The following CNTN4 variants were observed in gnomAD, a reference collection of about 807,000 sequenced individuals.
CNTN4 encodes the protein contactin-4.
A neutral mutation model predicts 122.5 loss-of-function variants in CNTN4; 77 were observed. That is an observed-to-expected ratio of 0.63 (90% CI 0.52 to 0.76). CNTN4 has a LOEUF of 0.76. CNTN4 is among the 30% of genes least tolerant of loss of function. The pLI, the probability that CNTN4 is intolerant of heterozygous loss-of-function variation, is 0.00. For synonymous variants in CNTN4, 512 were observed against 447.0 expected, an observed-to-expected ratio of 1.15 and a Z score of -1.83; for missense variants, 1,256 against 1,259.1, an observed-to-expected ratio of 1.00 and a Z score of 0.04.
chr3:2,475,606 C>T (rs1254449017), intron 3 of CNTN4, among the ~76,000 whole-genome samples: 1 of 152,156 alleles, frequency 6.6e-6, no homozygotes, highest in Non-Finnish European at 1.5e-5. Context: ...GCCAATCTCC[C>T]ATGTCAGTTC....
rs2045741883 is a variant in CNTN4, at chr3:2,374,325, A to G, written c.-89+35092A>G. ...TACCCAGCTCCCTTAAAATCATTCT[A>G]TAGGAAGTTCCCCTCCATGCTTCTT... On this transcript the variant is annotated intron_variant, in intron 3 of 24. Coordinates refer to ENST00000418658, the MANE Select transcript of CNTN4 (RefSeq NM_175607.3). 2.6e-5 allele frequency among the ~76,000 whole-genome samples: 4 copies of G among 152,346 alleles called. No homozygotes were observed. In the South Asian group the frequency reaches 8.3e-4, roughly 32 times the overall value.
chr3:3,014,077 C>T (rs1034232601), intron 14 of CNTN4, among the ~76,000 whole-genome samples: 216 of 152,052 alleles, frequency 1.4e-3, no homozygotes, highest in Non-Finnish European at 2.3e-3. Context: ...CACACACACA[C>T]ACACACACAC....
At chr3:2,981,288 C>CA (rs1275529169) in intron 13 of CNTN4, among the ~76,000 whole-genome samples, 1 of 151,662 alleles carries the variant, frequency 6.6e-6, no homozygotes, top group Non-Finnish European at 1.5e-5. Context: ...ACTAAAAATA[C>CA]AAAAAATTAG....
chr3:2,733,682 C>A (rs1391892108), intron 4 of CNTN4, among the ~76,000 whole-genome samples: 1 of 151,554 alleles, frequency 6.6e-6, no homozygotes, highest in Non-Finnish European at 1.5e-5. Flanking sequence ...TACAGGCACA[C>A]GCCACCATGC....
chr3:2,931,488 C>T (rs1167994247), intron 13 of CNTN4, among the ~76,000 whole-genome samples: 1 of 152,166 alleles, frequency 6.6e-6, no homozygotes, highest in Non-Finnish European at 1.5e-5. Flanking sequence ...CGGGGATTCC[C>T]ATTCAAGTGT....
chr3:2,855,620 G>C (rs1363928292), intron 7 of CNTN4, among the ~76,000 whole-genome samples: 2 of 152,150 alleles, frequency 1.3e-5, no homozygotes, highest in African/African-American at 4.8e-5. Context: ...ATTCAGTCCA[G>C]GTGTTCCTGT....
chr3:2,174,789 CAG>C (rs1298141035), intron 2 of CNTN4, among the ~76,000 whole-genome samples: 1 of 152,188 alleles, frequency 6.6e-6, no homozygotes, highest in Admixed American at 6.5e-5. Flanking sequence ...GGAGAGGCCT[CAG>C]GGAGCTTTCA....
At chr3:2,562,958 A>G (rs1458649035) in intron 3 of CNTN4, among the ~76,000 whole-genome samples, 1 of 151,884 alleles carries the variant, frequency 6.6e-6, no homozygotes, top group East Asian at 1.9e-4. Context: ...GAAGTCCTGG[A>G]CTGAAACAGT....
intron 12 of CNTN4, among the ~76,000 whole-genome samples, chr3:2,923,290 T>A (rs1248725253): frequency 6.6e-6 from 1 of 151,788 alleles, no homozygotes; most frequent in African/African-American, 2.4e-5. Flanking sequence ...AAAATATCAT[T>A]TAAAAAAAAA....
chr3:2,464,063 C>G (rs2075411856), intron 3 of CNTN4, among the ~76,000 whole-genome samples: 1 of 152,142 alleles, frequency 6.6e-6, no homozygotes, highest in African/African-American at 2.4e-5. Context: ...ACTTCTCAGA[C>G]CATTGCACCA....
At chr3:2,269,000 A>T (rs1414089691) in intron 2 of CNTN4, among the ~76,000 whole-genome samples, 2 of 152,126 alleles carry the variant, frequency 1.3e-5, no homozygotes, top group Admixed American at 6.6e-5. Context: ...CCTTAGTGCC[A>T]CTATGACAGA....
intron 2 of CNTN4, among the ~76,000 whole-genome samples, chr3:2,222,530 T>A (rs1022242551): frequency 6.6e-6 from 1 of 151,800 alleles, no homozygotes; most frequent in African/African-American, 2.4e-5. Context: ...ATACTTTATT[T>A]TTAATTTTTT....
intron 14 of CNTN4, among the ~76,000 whole-genome samples, chr3:2,995,394 G>A (rs2125345315): frequency 6.6e-6 from 1 of 152,258 alleles, no homozygotes; most frequent in East Asian, 1.9e-4. Context: ...TTCCCCTTTT[G>A]TCCAAATCTC....
chr3:2,143,698 T>C (rs912617017), intron 2 of CNTN4, among the ~76,000 whole-genome samples: 1 of 152,244 alleles, frequency 6.6e-6, no homozygotes, highest in African/African-American at 2.4e-5. Context: ...GTTATTATTA[T>C]CTCTGATTTG....
intron 3 of CNTN4, among the ~76,000 whole-genome samples, chr3:2,427,284 T>C (rs2047876280): frequency 6.6e-6 from 1 of 152,242 alleles, no homozygotes; most frequent in African/African-American, 2.4e-5. Context: ...TTTGTTCTCA[T>C]TGGTTTCAAA....
intron 4 of CNTN4, among the ~76,000 whole-genome samples, chr3:2,641,355 A>AT (rs928496352): frequency 6.6e-6 from 1 of 152,114 alleles, no homozygotes; most frequent in African/African-American, 2.4e-5. Context: ...TATTATTCAC[A>AT]TTTTTTGTAG....
At chr3:2,815,237 C>T (rs142329985) in intron 6 of CNTN4, among the ~76,000 whole-genome samples, 303 of 152,210 alleles carry the variant, frequency 2.0e-3, no homozygotes, top group Non-Finnish European at 3.5e-3. Flanking sequence ...AGATAAATAG[C>T]TGGGACCTAA....
intron 3 of CNTN4, among the ~76,000 whole-genome samples, chr3:2,350,561 TTAAA>T (rs1467420549): frequency 1.6e-5 from 2 of 121,410 alleles, no homozygotes; most frequent in African/African-American, 5.6e-5. Flanking sequence ...ATTAGTATAC[TTAAA>T]TAAAGAAAAA....
chr3:2,108,975 G>A (rs1040341931), intron 2 of CNTN4, among the ~76,000 whole-genome samples: 1 of 152,184 alleles, frequency 6.6e-6, no homozygotes, highest in African/African-American at 2.4e-5. Flanking sequence ...TGTTCATGGA[G>A]CATAAACAAT....
Sources: allele counts gnomAD v4.1 joint callset (sites outside exome capture counted in the v4.1 genomes callset), GRCh38; gene constraint gnomAD v4.1.1; transcripts MANE v1.5; gene names NCBI Gene and HGNC (gene_info 2026-07-23, HGNC 2026-07-21).